The following KLRK1 variants were observed in gnomAD, a reference collection of about 807,000 sequenced individuals.
KLRK1 encodes killer cell lectin like receptor K1.
KLRK1 carries 40 observed loss-of-function variants against 31.3 expected under a neutral mutation model. The ratio of observed to expected loss-of-function variants is 1.28; its 90% CI spans 0.99 to 1.67. The LOEUF is 1.67. KLRK1 is among the 40% of genes most tolerant of loss of function. KLRK1 has a pLI of 0.00. For synonymous variants in KLRK1, 77 were observed against 77.3 expected (o/e 1.00, Z 0.02); for missense variants, 251 against 260.0 (o/e 0.97, Z 0.24).
chr12:10,372,505 G>GAAAC lies in KLRK1; in HGVS notation c.*605_*608dup, dbSNP rs2137797342. On this transcript the variant is annotated 3_prime_UTR_variant, in exon 8 of 8. Transcript: ENST00000240618. ...TCCAAAAGGAAGAAAGAGAGGAAGA[G>GAAAC]AAACAGTCATGGGACTCAAGCAAGT... 1 of 152,778 alleles carries GAAAC rather than the reference G, an allele frequency of 6.5e-6. No individual in the cohort carries two copies. The highest frequency in any genetic ancestry group is 1.5e-5 in the Non-Finnish European group (1 of 68,366). 9.5% of individuals were successfully genotyped at this position (152,778 alleles called of 1,614,324 possible). A position where few individuals can be genotyped will look rare whatever the true frequency, so the allele number is the denominator to read the frequency against.
Position 10,372,864 on chromosome 12 carries a change from G to A in KLRK1, c.*250C>T, listed in dbSNP as rs1862887232. On this transcript the variant is annotated 3_prime_UTR_variant, in exon 8 of 8. Transcript: ENST00000240618. ...CCCTCCCCCAGCCCATCCACTCTGG[G>A]CTTGTGGTGGGAGAGGCAGCCTTGG... 1 of 413,034 alleles carries A rather than the reference G, an allele frequency of 2.4e-6. No individual in the cohort carries two copies. The allele number at this position is 413,034 out of a possible 1,614,324, so 25.6% of individuals were successfully genotyped here.
In KLRK1 at chr12:10,373,207, CT is replaced by C; in HGVS notation, c.557del (p.Lys186ArgfsTer15). On this transcript the variant is annotated frameshift_variant, in exon 8 of 8. Transcript: ENST00000240618. LOFTEE classifies it high-confidence loss of function. ...TCGAGGCATAGAGTGCACAGTCTCC[CT>C]TCTGCATTTCAATTATTGTTAGTCT... The part of the protein sequence containing the change: ...PNLLTIIEMQ[K>X]GDCALYASSF... 1.3e-6 allele frequency: 2 copies of C among 1,599,564 alleles called. No homozygotes were observed. Among genetic ancestry groups the C allele is most frequent in the Non-Finnish European group, 1.7e-6 (2 of 1,176,148 alleles).
At chr12:10,380,069 T>G (rs1863043565) in intron 3 of KLRK1, among the ~76,000 whole-genome samples, 2 of 137,092 alleles carry the variant, frequency 1.5e-5, no homozygotes, top group South Asian at 5.0e-4. Context: ...GTTTTTTTTT[T>G]TTTTTTTTTT....
chr12:10,387,628 C>T (rs903178875), intron 2 of KLRK1, among the ~76,000 whole-genome samples: 4 of 151,250 alleles, frequency 2.6e-5, no homozygotes, highest in Non-Finnish European at 4.4e-5. Context: ...TCACTGCAAC[C>T]GCCGCCTCCT....
At chr12:10,376,588 T>TATCA (rs1480952378) in intron 7 of KLRK1, among the ~76,000 whole-genome samples, 1 of 152,090 alleles carries the variant, frequency 6.6e-6, no homozygotes, top group African/African-American at 2.4e-5. Flanking sequence ...CAAATCAACA[T>TATCA]ATCAGCTTTC....
rs1049172 is a variant in KLRK1, at chr12:10,373,141, C to A, written c.624G>T (p.Thr208=). The A allele has an allele frequency of 6.2e-7, 1 of 1,611,826 alleles. No homozygotes were observed. The highest frequency in any genetic ancestry group is 8.5e-7 in the Non-Finnish European group (1 of 1,179,210). Residue 208 remains threonine (T), a synonymous_variant, in exon 8 of 8, where the codon ACG becomes ACT. Transcript: ENST00000240618. ...GYIENCSTPN[T]YICMQRTV ...ACACAGTCCTTTGCATGCAGATGTA[C>A]GTATTTGGAGTTGAACAGTTTTCTA...
intron 2 of KLRK1, among the ~76,000 whole-genome samples, chr12:10,387,847 T>C (rs1383385220): frequency 6.6e-6 from 1 of 152,118 alleles, no homozygotes; most frequent in Non-Finnish European, 1.5e-5. Context: ...TGCCCAGCCA[T>C]CTAATTTTCT....
At chr12:10,384,724 A>T (rs1311194029) in intron 3 of KLRK1, among the ~76,000 whole-genome samples, 1 of 152,104 alleles carries the variant, frequency 6.6e-6, no homozygotes, top group East Asian at 1.9e-4. Flanking sequence ...AGTACAGGCA[A>T]CAAAAGCAAA....
At chr12:10,378,043 G>A in intron 7 of KLRK1, 89 bp downstream of exon 7, 1 of 1,314,448 alleles carries the variant, frequency 7.6e-7, no homozygotes, top group East Asian at 2.3e-5. Flanking sequence ...AAATGTCCTG[G>A]GATTATGTGA....
intron 7 of KLRK1, among the ~76,000 whole-genome samples, chr12:10,376,670 A>G (rs1459703938): frequency 6.6e-6 from 1 of 152,210 alleles, no homozygotes; most frequent in Non-Finnish European, 1.5e-5. Flanking sequence ...CAAAGCAGAA[A>G]TCAGTGAGAA....
intron 5 of KLRK1, 41 bp from the exon 6 acceptor site, chr12:10,378,746 C>T: frequency 6.5e-7 from 1 of 1,540,462 alleles, no homozygotes; most frequent in Non-Finnish European, 8.7e-7. Flanking sequence ...CACATCTGAA[C>T]CATTATAGCA....
Position 10,378,316 on chromosome 12 carries a change from G to C in KLRK1, c.430-81C>G, listed in dbSNP as rs1863003668. The C allele has an allele frequency of 4.1e-6, 6 of 1,456,074 alleles. 1 individual carries two copies. The Admixed American group carries it at 7.8e-5, about 19-fold the overall frequency. 90.2% of individuals were successfully genotyped at this position (1,456,074 alleles called of 1,614,324 possible). ...ACGCAAGACCATAACCATTTCATCT[G>C]TTCTCACACTTGTAAAAAAATGCAT... On this transcript the variant is annotated intron_variant, in intron 6 of 7. Transcript: ENST00000240618.
intron 1 of KLRK1, 55 bp from the exon 2 acceptor site, chr12:10,388,930 A>G (rs1863220994): frequency 8.2e-7 from 1 of 1,219,784 alleles, no homozygotes; most frequent in Non-Finnish European, 1.1e-6. Flanking sequence ...GTGGTGAGAT[A>G]AAATATTTTG....
At position 10,373,265 on chromosome 12, in the gene KLRK1, A is replaced by T. The variant is rs1224797365; in HGVS notation, c.534-34T>A. 2.6e-6 allele frequency: 4 copies of T among 1,520,426 alleles called. No homozygotes were observed. In the South Asian group the frequency reaches 5.1e-5, roughly 19 times the overall value. The allele number at this position is 1,520,426 out of a possible 1,614,324, so 94.2% of individuals were successfully genotyped here. A position where few individuals can be genotyped will look rare whatever the true frequency, so the allele number is the denominator to read the frequency against. The stretch of plus-strand genomic sequence containing the variant: ...GAGACAATTACAAATTACATACATG[A>T]TTTTATTAACGCGGGAAAATAAAAA... On this transcript the variant is annotated intron_variant, in intron 7 of 7. Transcript: ENST00000240618.
intron 7 of KLRK1, among the ~76,000 whole-genome samples, chr12:10,377,132 A>G (rs1862982323): frequency 6.6e-6 from 1 of 152,184 alleles, no homozygotes; most frequent in Admixed American, 6.5e-5. Flanking sequence ...AAAATTTAAG[A>G]GGCTGATCAA....
chr12:10,379,042 T>G (rs890459295), intron 5 of KLRK1: 1 of 192,454 alleles, frequency 5.2e-6, no homozygotes, highest in African/African-American at 2.4e-5. Flanking sequence ...CAGTCCCAGC[T>G]ACTTGGAAGC....
intron 3 of KLRK1, among the ~76,000 whole-genome samples, chr12:10,385,968 C>T (rs1053430066): frequency 1.5e-4 from 21 of 141,314 alleles, no homozygotes; most frequent in East Asian, 2.1e-4. Flanking sequence ...AACTATAATA[C>T]ACAAAATATC....
Position 10,372,544 on chromosome 12 carries a change from A to C in KLRK1, c.*570T>G. The C allele has an allele frequency of 7.9e-6, 1 of 126,388 alleles. No homozygotes were observed. Among genetic ancestry groups the C allele is most frequent in the Non-Finnish European group, 1.7e-5 (1 of 58,444 alleles). 7.8% of individuals were successfully genotyped at this position (126,388 alleles called of 1,614,324 possible). Reference sequence around the variant, plus strand: ...ACTCAAGCAAGTACAAATCATAGCAAAGGAAACGTCCTAAGATCTTACTTA... The same window carrying C: ...ACTCAAGCAAGTACAAATCATAGCACAGGAAACGTCCTAAGATCTTACTTA... On this transcript the variant is annotated 3_prime_UTR_variant, in exon 8 of 8. Transcript: ENST00000240618.
chr12:10,373,685 AGTGTGTATAAGTGT>A (rs1360853946), intron 7 of KLRK1, among the ~76,000 whole-genome samples: 3 of 45,190 alleles, frequency 6.6e-5, no homozygotes, highest in African/African-American at 1.6e-4. Context: ...CACATTCACA[AGTGTGTATAAGTGT>A]GTGTGTGTGT....
Sources: allele counts gnomAD v4.1 joint callset (sites outside exome capture counted in the v4.1 genomes callset), GRCh38; gene constraint gnomAD v4.1.1; transcripts MANE v1.5; gene names NCBI Gene and HGNC (gene_info 2026-07-23, HGNC 2026-07-21).